CTNNA2: variants seen among roughly 807,000 people sequenced by gnomAD.
CTNNA2 encodes catenin alpha-2.
In CTNNA2, 42 loss-of-function variants were observed where a neutral mutation model predicts 101.0. The observed-to-expected ratio is 0.42, with a 90% CI of 0.32 to 0.54. CTNNA2 has a LOEUF of 0.54. Among genes scored for constraint, CTNNA2 ranks in the 20% least tolerant of loss-of-function variants. The pLI, the probability that CTNNA2 is intolerant of heterozygous loss-of-function variation, is 0.14. For synonymous variants in CTNNA2, 450 were observed against 456.4 expected, an observed-to-expected ratio of 0.99 and a Z score of 0.18; for missense variants, 871 against 1,223.1, an observed-to-expected ratio of 0.71 and a Z score of 4.29.
chr2:80,310,834 C>G (rs1048068644), intron 7 of CTNNA2, among the ~76,000 whole-genome samples: 2 of 151,788 alleles, frequency 1.3e-5, no homozygotes, highest in African/African-American at 2.4e-5. Context: ...TTAGCTGGGC[C>G]TGGTGACGGG....
At chr2:80,438,731 T>A (rs1682282446) in intron 9 of CTNNA2, among the ~76,000 whole-genome samples, 1 of 152,126 alleles carries the variant, frequency 6.6e-6, no homozygotes, top group South Asian at 2.1e-4. Flanking sequence ...CAACTAGTGA[T>A]ACTCCTCATT....
At chr2:79,749,464 C>T (rs777916083) in intron 3 of CTNNA2, among the ~76,000 whole-genome samples, 6 of 152,002 alleles carry the variant, frequency 3.9e-5, no homozygotes, top group Non-Finnish European at 8.8e-5. Context: ...TGTGTTTCTC[C>T]CTTCCTATCT....
At chr2:79,964,114 C>A (rs1217416891) in intron 7 of CTNNA2, among the ~76,000 whole-genome samples, 1 of 152,174 alleles carries the variant, frequency 6.6e-6, no homozygotes, top group Non-Finnish European at 1.5e-5. Context: ...CCTGCATGGC[C>A]AGTTGATTCG....
chr2:80,293,084 T>C (rs1052914238), intron 7 of CTNNA2, among the ~76,000 whole-genome samples: 5 of 152,222 alleles, frequency 3.3e-5, no homozygotes, highest in Admixed American at 2.6e-4. Context: ...CAGGGAAATA[T>C]AGATTTCACC....
At chr2:80,604,971 C>G (rs1573432216) in intron 16 of CTNNA2, among the ~76,000 whole-genome samples, 1 of 151,934 alleles carries the variant, frequency 6.6e-6, no homozygotes, top group African/African-American at 2.4e-5. Context: ...TAATATGGCT[C>G]TCACTCTAAT....
intron 7 of CTNNA2, among the ~76,000 whole-genome samples, chr2:80,239,660 C>G (rs924842165): frequency 1.3e-5 from 2 of 151,748 alleles, no homozygotes; most frequent in African/African-American, 4.8e-5. Flanking sequence ...ATCTGTAATC[C>G]CAGCACTTTG....
intron 4 of CTNNA2, among the ~76,000 whole-genome samples, chr2:79,464,151 G>A (rs1278399317): frequency 6.6e-6 from 1 of 152,056 alleles, no homozygotes; most frequent in Non-Finnish European, 1.5e-5. Context: ...CCCCACGACA[G>A]GCCCCGATGT....
chr2:79,372,345 C>A (rs985976436), intron 3 of CTNNA2, among the ~76,000 whole-genome samples: 1 of 152,142 alleles, frequency 6.6e-6, no homozygotes, highest in African/African-American at 2.4e-5. Context: ...GTTAGAGTTA[C>A]CTACTCATTT....
intron 7 of CTNNA2, among the ~76,000 whole-genome samples, chr2:80,102,546 T>C (rs1042387028): frequency 6.6e-6 from 1 of 152,176 alleles, no homozygotes; most frequent in African/African-American, 2.4e-5. Context: ...GTCTTCTTGC[T>C]CTATTACCCA....
intron 4 of CTNNA2, among the ~76,000 whole-genome samples, chr2:79,434,762 AGT>A (rs1678695672): frequency 1.3e-5 from 2 of 152,198 alleles, no homozygotes; most frequent in African/African-American, 4.8e-5. Flanking sequence ...AAGGGAGATG[AGT>A]GAGAAACAGG....
At chr2:80,242,071 A>T (rs1481914809) in intron 7 of CTNNA2, among the ~76,000 whole-genome samples, 1 of 152,210 alleles carries the variant, frequency 6.6e-6, no homozygotes, top group Non-Finnish European at 1.5e-5. Flanking sequence ...AAACAAAATC[A>T]CCGTGAAACT....
intron 6 of CTNNA2, among the ~76,000 whole-genome samples, chr2:79,900,929 C>G (rs538920299): frequency 6.6e-6 from 1 of 151,966 alleles, no homozygotes; most frequent in African/African-American, 2.4e-5. Flanking sequence ...AATAGATACA[C>G]GTACTATGTA....
chr2:80,388,641 G>T (rs1001109529), intron 7 of CTNNA2, among the ~76,000 whole-genome samples: 5 of 152,182 alleles, frequency 3.3e-5, no homozygotes, highest in Admixed American at 2.0e-4. Flanking sequence ...GCAGAGAGTG[G>T]TTACAACTAA....
chr2:80,000,662 C>T (rs1320373549), intron 7 of CTNNA2, among the ~76,000 whole-genome samples: 6 of 152,120 alleles, frequency 3.9e-5, no homozygotes, highest in Admixed American at 2.0e-4. Flanking sequence ...CCCAAACCCC[C>T]GAGGTCACAT....
chr2:79,491,576 G>C (rs781098870), intron 4 of CTNNA2, among the ~76,000 whole-genome samples: 5 of 152,162 alleles, frequency 3.3e-5, no homozygotes, highest in Non-Finnish European at 5.9e-5. Context: ...ACAGGGTCCA[G>C]AGGAAAGCTT....
intron 7 of CTNNA2, among the ~76,000 whole-genome samples, chr2:80,053,943 C>T (rs1697046367): frequency 6.6e-6 from 1 of 152,140 alleles, no homozygotes; most frequent in Non-Finnish European, 1.5e-5. Flanking sequence ...TAATCAGTAT[C>T]AATAAACAGA....
chr2:79,750,840 C>A (rs766019223), intron 3 of CTNNA2, among the ~76,000 whole-genome samples: 1 of 150,994 alleles, frequency 6.6e-6, no homozygotes. Context: ...CCACTGCACT[C>A]CAGCCTGGAT....
chr2:80,430,910 A>G (rs907362337), intron 9 of CTNNA2, among the ~76,000 whole-genome samples: 2 of 152,140 alleles, frequency 1.3e-5, no homozygotes, highest in African/African-American at 2.4e-5. Flanking sequence ...AAAGGTGTGT[A>G]TATATTATGC....
At chr2:79,811,171 A>C (rs1184986992) in intron 3 of CTNNA2, among the ~76,000 whole-genome samples, 1 of 152,002 alleles carries the variant, frequency 6.6e-6, no homozygotes, top group Non-Finnish European at 1.5e-5. Context: ...CTATTTCTGC[A>C]CAACCTCTCC....
Sources: gnomAD v4.1 joint callset for allele counts (sites outside exome capture counted in the v4.1 genomes callset) on GRCh38, gnomAD v4.1.1 for gene constraint, MANE v1.5 for transcripts, NCBI Gene and HGNC (gene_info 2026-07-23, HGNC 2026-07-21) for gene names.